ENPEP: variants seen among roughly 807,000 people sequenced by gnomAD.
The protein encoded by ENPEP is glutamyl aminopeptidase.
A neutral mutation model predicts 114.5 loss-of-function variants in ENPEP; 103 were observed. The observed-to-expected ratio is 0.90, with a 90% confidence interval of 0.77 to 1.06. The LOEUF is 1.06. Ranked by LOEUF, ENPEP falls within the 50% of genes least tolerant of loss-of-function variation. The probability of loss-of-function intolerance (pLI) is 0.00; values close to 1 mark genes in which losing one functional copy is unlikely to be tolerated. For missense variants in ENPEP, 1,196 were observed against 1,161.3 expected, an observed-to-expected ratio of 1.03 and a Z score of -0.43; for synonymous variants, 420 against 422.0, an observed-to-expected ratio of 1.00 and a Z score of 0.06.
chr4:110,552,729 G>A (rs994868503), intron 17 of ENPEP, among the ~76,000 whole-genome samples: 3 of 152,072 alleles, frequency 2.0e-5, no homozygotes, highest in Non-Finnish European at 4.4e-5. Flanking sequence ...TATAGCCATG[G>A]CATACAATTA....
At chr4:110,503,409 G>A (rs1725237931) in intron 3 of ENPEP, among the ~76,000 whole-genome samples, 3 of 152,018 alleles carry the variant, frequency 2.0e-5, no homozygotes, top group East Asian at 1.9e-4. Context: ...TTCTTATAAC[G>A]GTTATTTTGT....
At chr4:110,486,406 G>T (rs1363228646) in intron 1 of ENPEP, among the ~76,000 whole-genome samples, 1 of 152,144 alleles carries the variant, frequency 6.6e-6, no homozygotes, top group African/African-American at 2.4e-5. Context: ...CAGTCCGTCT[G>T]GTTCAGTGTT....
In ENPEP at chr4:110,502,466, G is replaced by A. The variant is rs1485243871; in HGVS notation, c.919-4171G>A. On this transcript the variant is annotated intron_variant, in intron 3 of 19. Transcript: ENST00000265162. Reference sequence around the variant, plus strand: ...ACTTTTGTATATGGTGTAAGGAAGGGGTCCAGTTTCAATCTTCTGCATACG... The same window carrying A: ...ACTTTTGTATATGGTGTAAGGAAGGAGTCCAGTTTCAATCTTCTGCATACG... 1.3e-5 allele frequency among the ~76,000 whole-genome samples: 2 copies of A among 152,114 alleles called. 1 individual carries two copies. The highest frequency in any genetic ancestry group is 4.1e-4 in the South Asian group (2 of 4,826).
chr4:110,527,349 C>G (rs951170329), intron 10 of ENPEP, among the ~76,000 whole-genome samples: 2 of 152,108 alleles, frequency 1.3e-5, no homozygotes, highest in Non-Finnish European at 2.9e-5. Flanking sequence ...TTCAGAGAAA[C>G]TGGGTATCCT....
chr4:110,476,688 C>G lies in ENPEP; in HGVS notation c.274C>G (p.Arg92Gly), dbSNP rs143343563. The change falls in exon 1 of 20, where the codon CGA (arginine) becomes GGA (glycine). Residue 92 changes from arginine to glycine, a missense_variant. Physicochemically the swap from Arg to Gly is moderately radical, Grantham distance 125 (BLOSUM62 -2). Coordinates refer to ENST00000265162, the MANE Select transcript of ENPEP (RefSeq NM_001977.4). ...EDESGQWKNF[R>G]LPDFVNPVHY... ...TGAGAGCGGACAGTGGAAAAACTTT[C>G]GACTGCCGGACTTCGTCAACCCAGT... is the stretch of plus-strand genomic sequence containing the variant. 1 of 1,613,664 alleles carries G rather than the reference C, an allele frequency of 6.2e-7. No homozygotes were observed. The highest frequency in any genetic ancestry group is 1.3e-5 in the African/African-American group (1 of 74,936).
In ENPEP at chr4:110,564,846, T is replaced by C. The variant is rs1185296123; in HGVS notation, c.*3288T>C. On this transcript the variant is annotated 3_prime_UTR_variant, in exon 20 of 20. Transcript: ENST00000265162. ...TGGTTTGCCATGTTCTCCGTGTTTCTTCTGCTCCTAGATGCAGCAGTATTC... is the reference window on the plus strand; with the variant it reads ...TGGTTTGCCATGTTCTCCGTGTTTCCTCTGCTCCTAGATGCAGCAGTATTC... 6.6e-6 allele frequency: 1 copy of C among 152,228 alleles called. No homozygotes were observed. The highest frequency in any genetic ancestry group is 1.5e-5 in the Non-Finnish European group (1 of 68,050). 9.4% of individuals were successfully genotyped at this position (152,228 alleles called of 1,614,324 possible). A position where few individuals can be genotyped will look rare whatever the true frequency, so the allele number is the denominator to read the frequency against.
At chr4:110,494,978 C>T (rs1433526087) in intron 3 of ENPEP, among the ~76,000 whole-genome samples, 3 of 151,844 alleles carry the variant, frequency 2.0e-5, no homozygotes, top group African/African-American at 4.8e-5. Flanking sequence ...GTGGACACAC[C>T]CTGAACTGTG....
At position 110,506,873 on chromosome 4, in the gene ENPEP, T is replaced by C. The variant is rs915178129; in HGVS notation, c.1039+116T>C. On this transcript the variant is annotated intron_variant, in intron 4 of 19. Coordinates refer to ENST00000265162, the MANE Select transcript of ENPEP (RefSeq NM_001977.4). ...TAACAGTTATCCTTAAGTCCTTTTA[T>C]TCTATGCCGACAATATCTTGGGCTC... 2.1e-5 allele frequency: 20 copies of C among 965,276 alleles called. No homozygotes were observed. In the South Asian group the frequency reaches 2.9e-4, roughly 14 times the overall value. 59.8% of individuals were successfully genotyped at this position (965,276 alleles called of 1,614,324 possible).
intron 17 of ENPEP, among the ~76,000 whole-genome samples, chr4:110,551,910 C>T (rs1210455626): frequency 1.3e-5 from 2 of 152,064 alleles, no homozygotes; most frequent in African/African-American, 4.8e-5. Context: ...AAGGTGTTTA[C>T]CTATTTTGGT....
chr4:110,534,361 C>A (rs1429422423), intron 11 of ENPEP, among the ~76,000 whole-genome samples: 1 of 152,080 alleles, frequency 6.6e-6, no homozygotes, highest in Non-Finnish European at 1.5e-5. Flanking sequence ...CCTGAATAAT[C>A]TCTCCTGTCA....
chr4:110,497,474 TG>T (rs1341003732), intron 3 of ENPEP, among the ~76,000 whole-genome samples: 1 of 152,026 alleles, frequency 6.6e-6, no homozygotes, highest in African/African-American at 2.4e-5. Context: ...TAAGATTTTA[TG>T]GGGTAATTTA....
At chr4:110,521,752 A>G (rs1412382397) in intron 10 of ENPEP, among the ~76,000 whole-genome samples, 5 of 152,234 alleles carry the variant, frequency 3.3e-5, no homozygotes, top group Admixed American at 3.3e-4. Context: ...AAGAATTAAT[A>G]GACCAACTAA....
chr4:110,521,050 A>G (rs1725968153), intron 10 of ENPEP, among the ~76,000 whole-genome samples: 1 of 152,138 alleles, frequency 6.6e-6, no homozygotes, highest in South Asian at 2.1e-4. Flanking sequence ...AGCCTCCCTC[A>G]TTATGTTATT....
At position 110,565,085 on chromosome 4, in the gene ENPEP, G is replaced by C. The variant is rs1727784756; in HGVS notation, c.*3527G>C. ...CCTCTACCATAGTAATTTATTTCTT[G>C]TTCTTTCTCCTCCTCCTTCCTCTAC... On this transcript the variant is annotated 3_prime_UTR_variant, in exon 20 of 20. Transcript: ENST00000265162. 1 of 152,114 alleles carries C rather than the reference G, an allele frequency of 6.6e-6. No homozygotes were observed. The highest frequency in any genetic ancestry group is 1.9e-4 in the East Asian group (1 of 5,200). 9.4% of individuals were successfully genotyped at this position (152,114 alleles called of 1,614,324 possible). A position where few individuals can be genotyped will look rare whatever the true frequency, so the allele number is the denominator to read the frequency against.
At chr4:110,508,563 G>A (rs1194501640) in intron 4 of ENPEP, among the ~76,000 whole-genome samples, 1 of 152,226 alleles carries the variant, frequency 6.6e-6, no homozygotes, top group African/African-American at 2.4e-5. Context: ...TGTAATCCCA[G>A]CACTTTGGGA....
intron 14 of ENPEP, among the ~76,000 whole-genome samples, chr4:110,549,077 A>G (rs1727183949): frequency 6.6e-6 from 1 of 152,058 alleles, no homozygotes; most frequent in Non-Finnish European, 1.5e-5. Flanking sequence ...CCTATTTATT[A>G]CATATGTTAA....
chr4:110,505,197 A>G (rs912713483), intron 3 of ENPEP, among the ~76,000 whole-genome samples: 1 of 152,178 alleles, frequency 6.6e-6, no homozygotes, highest in Non-Finnish European at 1.5e-5. Flanking sequence ...GTTTCACTCA[A>G]CTTCTTGGAA....
rs1485178166 is a variant in ENPEP at position 110,562,389 on chromosome 4, A to G, written c.*831A>G. 6.6e-6 allele frequency: 1 copy of G among 152,196 alleles called. No individual in the cohort carries two copies. The highest frequency in any genetic ancestry group is 2.4e-5 in the African/African-American group (1 of 41,460). The allele number at this position is 152,196 out of a possible 1,614,324, so 9.4% of individuals were successfully genotyped here. The stretch of plus-strand genomic sequence containing the variant: ...AATATGCTATGAAATTAGAGGGAAC[A>G]TAGTGCTTAACTCTGCTCCATGGAT... On this transcript the variant is annotated 3_prime_UTR_variant, in exon 20 of 20. Transcript: ENST00000265162.
intron 4 of ENPEP, among the ~76,000 whole-genome samples, chr4:110,508,593 C>T (rs946923266): frequency 6.6e-6 from 1 of 152,164 alleles, no homozygotes; most frequent in Non-Finnish European, 1.5e-5. Context: ...GGGTGGATCA[C>T]GAGGTCAGGA....
Sources: allele counts gnomAD v4.1 joint callset (sites outside exome capture counted in the v4.1 genomes callset), GRCh38; gene constraint gnomAD v4.1.1; transcripts MANE v1.5; gene names NCBI Gene and HGNC (gene_info 2026-07-23, HGNC 2026-07-21).